MMP16: variants seen among roughly 807,000 people sequenced by gnomAD.
MMP16 encodes matrix metallopeptidase 16, also known as matrix metalloproteinase-16.
MMP16 carries 12 observed loss-of-function variants against 67.8 expected under a neutral mutation model. That is an observed-to-expected ratio of 0.18 (90% CI 0.11 to 0.29). The LOEUF is 0.29. Ranked by LOEUF, MMP16 falls within the 10% of genes least tolerant of loss-of-function variation. The pLI, the probability that MMP16 is intolerant of heterozygous loss-of-function variation, is 1.00. For synonymous variants in MMP16, 249 were observed against 255.9 expected (o/e 0.97, Z 0.26); for missense variants, 475 against 765.7 (o/e 0.62, Z 4.48).
chr8:88,214,197 G>A (rs1809553486), intron 1 of MMP16, among the ~76,000 whole-genome samples: 1 of 152,002 alleles, frequency 6.6e-6, no homozygotes. Context: ...TTACATCCAC[G>A]TCTCCATGGG....
chr8:88,263,337 G>C (rs1443453801), intron 1 of MMP16, among the ~76,000 whole-genome samples: 2 of 152,096 alleles, frequency 1.3e-5, no homozygotes, highest in Non-Finnish European at 2.9e-5. Context: ...ATGTATCACA[G>C]TATATATAAA....
intron 1 of MMP16, among the ~76,000 whole-genome samples, chr8:88,220,302 AC>A (rs1228189671): frequency 4.6e-5 from 7 of 152,064 alleles, no homozygotes; most frequent in African/African-American, 1.7e-4. Flanking sequence ...TTTTGTTATG[AC>A]TTTTAAGTTT....
chr8:88,131,183 A>G (rs1808022769), intron 4 of MMP16, among the ~76,000 whole-genome samples: 2 of 151,460 alleles, frequency 1.3e-5, no homozygotes, highest in South Asian at 4.2e-4. Flanking sequence ...AAAAGCTGGT[A>G]AGTGGTACAG....
chr8:88,038,255 A>G lies in MMP16; in HGVS notation c.*3206T>C, dbSNP rs1023167045. 9 of 152,146 alleles carry G rather than the reference A, an allele frequency of 5.9e-5. No homozygotes were observed. The highest frequency in any genetic ancestry group is 2.2e-4 in the African/African-American group (9 of 41,570). The allele number at this position is 152,146 out of a possible 1,614,324, so 9.4% of individuals were successfully genotyped here. ...TTATCTCTTGTAATAGTACAGCCTG[A>G]TAACTGAAATGTTCTGTTCAAAAGA... On this transcript the variant is annotated 3_prime_UTR_variant, in exon 10 of 10. Coordinates refer to ENST00000286614, the MANE Select transcript of MMP16 (RefSeq NM_005941.5). This position sits in a 1 kb window ranked among gnomAD's most constrained non-coding sequence, Gnocchi z 4.1.
At chr8:88,092,929 T>C (rs1439797130) in intron 6 of MMP16, among the ~76,000 whole-genome samples, 2 of 151,836 alleles carry the variant, frequency 1.3e-5, no homozygotes, top group Admixed American at 6.6e-5. Flanking sequence ...GTAGTGAGTA[T>C]CTCTTGGTGA....
intron 3 of MMP16, among the ~76,000 whole-genome samples, chr8:88,171,020 A>C (rs1808791799): frequency 1.3e-5 from 2 of 152,194 alleles, no homozygotes; most frequent in Admixed American, 6.6e-5. Flanking sequence ...GTAATGGAGA[A>C]ATTGATTTTG....
chr8:88,254,282 G>A (rs1246064444), intron 1 of MMP16, among the ~76,000 whole-genome samples: 1 of 152,014 alleles, frequency 6.6e-6, no homozygotes, highest in East Asian at 1.9e-4. Context: ...ACACGTCCAG[G>A]GAAACAACTC....
chr8:88,035,516 T>C lies in MMP16; in HGVS notation c.*5945A>G, dbSNP rs185189994. ...TTCATACATAACTTTTTATACTTAC[T>C]CTGCACTGACCATGAGTTCTGGTTT... On this transcript the variant is annotated 3_prime_UTR_variant, in exon 10 of 10. Transcript: ENST00000286614. The surrounding 1 kb of genome is among the most constrained non-coding windows in gnomAD (Gnocchi z 4.7). 1.3e-5 allele frequency: 2 copies of C among 152,200 alleles called. No homozygotes were observed. The highest frequency in any genetic ancestry group is 3.9e-4 in the East Asian group (2 of 5,180). 9.4% of individuals were successfully genotyped at this position (152,200 alleles called of 1,614,324 possible).
intron 7 of MMP16, among the ~76,000 whole-genome samples, chr8:88,059,983 A>AT (rs1405954162): frequency 2.0e-5 from 3 of 148,302 alleles, no homozygotes; most frequent in South Asian, 2.1e-4. Flanking sequence ...ATGAGAAGAG[A>AT]TAAAAAAAAA....
At chr8:88,081,051 G>C (rs1454922660) in intron 6 of MMP16, among the ~76,000 whole-genome samples, 2 of 152,024 alleles carry the variant, frequency 1.3e-5, no homozygotes, top group African/African-American at 2.4e-5. Context: ...TTGGTAGCGA[G>C]GCTCATCAGG....
chr8:88,082,317 G>A (rs1269195933), intron 6 of MMP16, among the ~76,000 whole-genome samples: 1 of 152,088 alleles, frequency 6.6e-6, no homozygotes, highest in Non-Finnish European at 1.5e-5. Context: ...TTTATTTCTG[G>A]TAGGAGTGCA....
rs188033198 is a variant in MMP16, at chr8:88,228,488, T to C, written c.133-31182A>G. Among the ~76,000 whole-genome samples the C allele has an allele frequency of 2.7e-3, 410 of 152,176 alleles. 5 individuals are homozygous for C. In the Middle Eastern group the frequency reaches 0.048, roughly 18 times the overall value. On this transcript the variant is annotated intron_variant, in intron 1 of 9. Transcript: ENST00000286614. ...TAATGGAAAAATATCAGGAAAAATATATATGTTACCAATGACAATAAAAAT... is the reference window on the plus strand; with the variant it reads ...TAATGGAAAAATATCAGGAAAAATACATATGTTACCAATGACAATAAAAAT...
chr8:88,298,345 A>G (rs1319637027), intron 1 of MMP16, among the ~76,000 whole-genome samples: 2 of 152,198 alleles, frequency 1.3e-5, no homozygotes, highest in African/African-American at 4.8e-5. Context: ...TACTGCTTGT[A>G]ATTGCCAAAT....
At chr8:88,084,809 T>C (rs1808807308) in intron 6 of MMP16, among the ~76,000 whole-genome samples, 1 of 151,986 alleles carries the variant, frequency 6.6e-6, no homozygotes, top group Non-Finnish European at 1.5e-5. Context: ...AACTACATTA[T>C]GAAAAAATAT....
chr8:88,283,548 T>A (rs1230416045), intron 1 of MMP16, among the ~76,000 whole-genome samples: 1 of 152,128 alleles, frequency 6.6e-6, no homozygotes, highest in African/African-American at 2.4e-5. Context: ...TCCCTTCCTA[T>A]CTCACCCCCA....
chr8:88,061,116 T>A (rs1003440901), intron 7 of MMP16, among the ~76,000 whole-genome samples: 1 of 145,010 alleles, frequency 6.9e-6, no homozygotes, highest in African/African-American at 2.7e-5. Flanking sequence ...CCTTGTATAA[T>A]CTGAATATTA....
chr8:88,106,067 A>ATATT (rs1260549625), intron 6 of MMP16, among the ~76,000 whole-genome samples: 1 of 149,202 alleles, frequency 6.7e-6, no homozygotes, highest in African/African-American at 2.4e-5. Flanking sequence ...ATATATATAT[A>ATATT]TATATATGTA....
rs532898090 is a variant in MMP16 at position 88,220,866 on chromosome 8, A to AT, written c.133-23561dup. Reference sequence around the variant, plus strand: ...TAAGATTTCTGGATAAACTTAGAAGATTGAGTATATGTATTTCTGTTGCTC... The same window carrying AT: ...TAAGATTTCTGGATAAACTTAGAAGATTTGAGTATATGTATTTCTGTTGCTC... On this transcript the variant is annotated intron_variant, in intron 1 of 9. Transcript: ENST00000286614. Among the ~76,000 whole-genome samples the AT allele has an allele frequency of 3.9e-5, 6 of 152,190 alleles. 1 individual carries two copies. In the East Asian group the frequency reaches 1.2e-3, roughly 29 times the overall value.
chr8:88,281,715 G>C (rs1342944089), intron 1 of MMP16, among the ~76,000 whole-genome samples: 2 of 152,174 alleles, frequency 1.3e-5, no homozygotes, highest in African/African-American at 4.8e-5. Flanking sequence ...CATTGCACAA[G>C]GCTGCCCCCT....
Sources: allele counts gnomAD v4.1 joint callset (sites outside exome capture counted in the v4.1 genomes callset), GRCh38; gene constraint gnomAD v4.1.1; non-coding constraint Gnocchi (gnomAD v3.1); transcripts MANE v1.5; gene names NCBI Gene and HGNC (gene_info 2026-07-23, HGNC 2026-07-21).